Variants in FBXL22 observed in about 807,000 individuals in gnomAD.
The protein encoded by FBXL22 is F-box and leucine-rich protein 22.
FBXL22 carries 13 observed loss-of-function variants against 11.7 expected under a neutral mutation model. That is an observed-to-expected ratio of 1.11 (90% CI 0.73 to 1.77). The LOEUF (loss-of-function observed/expected upper bound fraction) is 1.77, where lower values mean the gene tolerates loss of function less well. FBXL22 is among the 40% of genes most tolerant of loss of function. The pLI is 0.00. For missense variants in FBXL22, 406 were observed against 320.4 expected (o/e 1.27, Z -2.04); for synonymous variants, 160 against 144.1 (o/e 1.11, Z -0.79).
Position 63,601,057 on chromosome 15 carries a change from C to T in FBXL22, c.*18C>T, listed in dbSNP as rs2067363792. On this transcript the variant is annotated 3_prime_UTR_variant, in exon 2 of 2. Transcript: ENST00000638704. ...AGCGCTAGACGCCGCCCCGCCGCTG[C>T]CCCCGGGGAAGGAGCGCAGCCCCAG... 1.1e-5 allele frequency: 14 copies of T among 1,229,330 alleles called. No individual in the cohort carries two copies. The highest frequency in any genetic ancestry group is 3.2e-5 in the East Asian group (1 of 31,406). The allele number at this position is 1,229,330 out of a possible 1,614,324, so 76.2% of individuals were successfully genotyped here.
chr15:63,603,936 T>C (rs1443513335), downstream of FBXL22, among the ~76,000 whole-genome samples: 1 of 152,222 alleles, frequency 6.6e-6, no homozygotes, highest in African/African-American at 2.4e-5. Context: ...CCCATTACTC[T>C]GAACACTGTT....
At chr15:63,604,960 G>C (rs2067406234), downstream of FBXL22, among the ~76,000 whole-genome samples, 1 of 152,138 alleles carries the variant, frequency 6.6e-6, no homozygotes, top group African/African-American at 2.4e-5. Flanking sequence ...GCTGAGATGG[G>C]AGAATCGCTT....
chr15:63,601,618 C>G (rs1410193247), downstream of FBXL22: 1 of 1,600,620 alleles, frequency 6.2e-7, no homozygotes, highest in African/African-American at 1.3e-5. Context: ...AGCCGCTCCT[C>G]CTTGCGGTTT....
chr15:63,607,492 C>G, the FBXL22 span, among the ~76,000 whole-genome samples: 4 of 152,224 alleles, frequency 2.6e-5, no homozygotes, highest in African/African-American at 9.6e-5. Context: ...GGGTTCCCCC[C>G]AAAGCTGGAG....
rs747737098 is a variant in FBXL22 at position 63,597,704 on chromosome 15, C to T, written c.312C>T (p.His104=). The change falls in exon 1 of 2, where the codon CAC becomes CAT. Residue 104 remains histidine, a synonymous_variant. Coordinates refer to ENST00000638704, the MANE Select transcript of FBXL22 (RefSeq NM_001367807.1). The surrounding 1 kb of genome is among the most constrained non-coding windows in gnomAD (Gnocchi z 4.3). ...SAFQRSICSR[H]ESLVNDFLLR... ...TCCAGAGAAGCATCTGCAGCCGGCA[C>T]GAGAGCCTGGTCAATGATTTCCTCC... The T allele has an allele frequency of 5.6e-6, 9 of 1,597,058 alleles. No homozygotes were observed. The highest frequency in any genetic ancestry group is 6.8e-6 in the Non-Finnish European group (8 of 1,168,532).
downstream of FBXL22, chr15:63,601,705 A>T: frequency 6.3e-7 from 1 of 1,599,584 alleles, no homozygotes; most frequent in African/African-American, 1.3e-5. Context: ...GCGATTGTAG[A>T]AAATTCGCTC....
At chr15:63,601,478 C>A, downstream of FBXL22, 1 of 1,555,220 alleles carries the variant, frequency 6.4e-7, no homozygotes, top group Non-Finnish European at 8.7e-7. Flanking sequence ...AGCCTCCGGG[C>A]GGAGCGACCC....
At chr15:63,604,706 G>A (rs892695145), downstream of FBXL22, among the ~76,000 whole-genome samples, 1 of 152,166 alleles carries the variant, frequency 6.6e-6, no homozygotes, top group African/African-American at 2.4e-5. Flanking sequence ...GTTCCTGGAG[G>A]GTGGTGTGTC....
downstream of FBXL22, chr15:63,601,941 G>T (rs998792848): frequency 3.7e-5 from 19 of 515,124 alleles, no homozygotes; most frequent in Non-Finnish European, 5.7e-5. Context: ...CTTCCAATTT[G>T]AATTTCAGGG....
At chr15:63,601,310 G>T, downstream of FBXL22, 1 of 1,588,850 alleles carries the variant, frequency 6.3e-7, no homozygotes, top group Non-Finnish European at 8.5e-7. Flanking sequence ...TCTGCTGTGC[G>T]CTCCCCACGG....
At chr15:63,606,599 A>C (rs1161236899), downstream of FBXL22, among the ~76,000 whole-genome samples, 5 of 152,160 alleles carry the variant, frequency 3.3e-5, no homozygotes, top group Non-Finnish European at 1.5e-5. Flanking sequence ...CATGTGTGTA[A>C]TCCCAGCACT....
In FBXL22 at chr15:63,597,735, G is replaced by C. The variant is rs8035931; in HGVS notation, c.343G>C (p.Val115Leu). The change falls in exon 1 of 2, where the codon GTG becomes CTG. Residue 115 changes from valine to leucine, a missense_variant. Coordinates refer to ENST00000638704, the MANE Select transcript of FBXL22 (RefSeq NM_001367807.1). The surrounding 1 kb of genome is among the most constrained non-coding windows in gnomAD (Gnocchi z 4.3). ...CCTGGTCAATGATTTCCTCCTCCGG[G>C]TGTGCGACAGGTAGGCCACCTTGCC... ...ESLVNDFLLR[V>L]CDRCPNLASV... 176,689 of 1,578,054 alleles carry C rather than the reference G, an allele frequency of 0.11. 10,625 individuals are homozygous for C. Among genetic ancestry groups the C allele is most frequent in the Middle Eastern group, 0.14 (832 of 5,934 alleles).
intron 1 of FBXL22, chr15:63,600,083 T>C (rs1334931464): frequency 1.6e-5 from 16 of 985,632 alleles, no homozygotes; most frequent in Non-Finnish European, 1.9e-5. Context: ...AGGGCTTGCC[T>C]CTAGCTGCCT....
At chr15:63,602,585 CAAAAAAAAA>C (rs35457809), downstream of FBXL22, among the ~76,000 whole-genome samples, 10 of 74,590 alleles carry the variant, frequency 1.3e-4, no homozygotes, top group East Asian at 3.3e-3. Flanking sequence ...ACTCTTGTCT[CAAAAAAAAA>C]AAAAAAAAAA....
At chr15:63,598,025 T>C (rs2067301441) in intron 1 of FBXL22, among the ~76,000 whole-genome samples, 1 of 152,140 alleles carries the variant, frequency 6.6e-6, no homozygotes, top group South Asian at 2.1e-4. Context: ...CATTAAGTGC[T>C]GGGTGGGTCC....
At chr15:63,599,239 G>C (rs1282625042) in intron 1 of FBXL22, 1 of 1,534,600 alleles carries the variant, frequency 6.5e-7, no homozygotes. Context: ...CTGGCACTCA[G>C]CTCAGGTCGG....
chr15:63,608,298 G>C, the FBXL22 span, among the ~76,000 whole-genome samples: 1 of 152,248 alleles, frequency 6.6e-6, no homozygotes, highest in Non-Finnish European at 1.5e-5. Context: ...ACATGAGGTA[G>C]CTGGGGCTGT....
downstream of FBXL22, chr15:63,601,458 G>A (rs541081928): frequency 9.6e-6 from 15 of 1,564,756 alleles, no homozygotes; most frequent in Non-Finnish European, 1.3e-5. Flanking sequence ...CCGCGCGCAG[G>A]GGTCTGGGGA....
downstream of FBXL22, among the ~76,000 whole-genome samples, chr15:63,605,271 G>C (rs1004162813): frequency 1.3e-5 from 2 of 152,154 alleles, no homozygotes; most frequent in African/African-American, 4.8e-5. Flanking sequence ...GTTCTTGAGT[G>C]ATCTCCAAGC....
Sources: gnomAD v4.1 joint callset for allele counts (sites outside exome capture counted in the v4.1 genomes callset) on GRCh38, gnomAD v4.1.1 for gene constraint, Gnocchi (gnomAD v3.1) non-coding constraint, MANE v1.5 for transcripts, NCBI Gene and HGNC (gene_info 2026-07-23, HGNC 2026-07-21) for gene names.